The following DGKB variants were observed in gnomAD, a reference collection of about 807,000 sequenced individuals.
DGKB encodes the protein 90 kDa diacylglycerol kinase.
DGKB carries 67 observed loss-of-function variants against 114.3 expected under a neutral mutation model. That is an observed-to-expected ratio of 0.59 (90% CI 0.48 to 0.72). The LOEUF (loss-of-function observed/expected upper bound fraction) is 0.72. DGKB is among the 30% of genes least tolerant of loss of function. The pLI is 0.00. For missense variants in DGKB, 907 were observed against 975.2 expected, an observed-to-expected ratio of 0.93 and a Z score of 0.93; for synonymous variants, 398 against 323.1, an observed-to-expected ratio of 1.23 and a Z score of -2.49.
intron 2 of DGKB, among the ~76,000 whole-genome samples, chr7:14,758,824 A>T (rs1308484656): frequency 6.6e-6 from 1 of 152,068 alleles, no homozygotes; most frequent in Non-Finnish European, 1.5e-5. Context: ...TTTTACTTGG[A>T]ATGTACCATT....
intron 21 of DGKB, among the ~76,000 whole-genome samples, chr7:14,371,856 G>A (rs1254044386): frequency 2.0e-5 from 3 of 152,070 alleles, no homozygotes; most frequent in Non-Finnish European, 4.4e-5. Flanking sequence ...TACTGCTGAG[G>A]TATTTTCCAC....
intron 20 of DGKB, among the ~76,000 whole-genome samples, chr7:14,551,589 G>A (rs1040088287): frequency 6.6e-6 from 1 of 151,932 alleles, no homozygotes; most frequent in Non-Finnish European, 1.5e-5. Flanking sequence ...TCTTACATGA[G>A]CACTATTTTG....
chr7:14,711,084 G>A (rs1025110347), intron 6 of DGKB, among the ~76,000 whole-genome samples: 24 of 152,014 alleles, frequency 1.6e-4, no homozygotes, highest in Admixed American at 8.5e-4. Context: ...ATACACATTC[G>A]TTCCAAATTT....
intron 1 of DGKB, among the ~76,000 whole-genome samples, chr7:14,942,871 A>G (rs2128255482): frequency 6.6e-6 from 1 of 151,896 alleles, no homozygotes; most frequent in Non-Finnish European, 1.5e-5. Flanking sequence ...GAATTATTTT[A>G]TTTTCATAGC....
chr7:14,611,553 C>G (rs1314902515), intron 16 of DGKB, among the ~76,000 whole-genome samples: 1 of 152,088 alleles, frequency 6.6e-6, no homozygotes, highest in Admixed American at 6.6e-5. Flanking sequence ...GAAAACAGAT[C>G]ACCTTTAAAA....
intron 20 of DGKB, among the ~76,000 whole-genome samples, chr7:14,536,649 T>C (rs1792547426): frequency 6.6e-6 from 1 of 152,186 alleles, no homozygotes; most frequent in South Asian, 2.1e-4. Flanking sequence ...AAATTAGTTA[T>C]ATATTAGATA....
chr7:14,358,396 T>C, intron 21 of DGKB, among the ~76,000 whole-genome samples: 1 of 152,204 alleles, frequency 6.6e-6, no homozygotes, highest in East Asian at 1.9e-4. Context: ...TTGAAGCTTG[T>C]GCATGCCTCA....
chr7:14,525,070 T>C (rs561001647), intron 20 of DGKB, among the ~76,000 whole-genome samples: 9 of 152,258 alleles, frequency 5.9e-5, no homozygotes, highest in African/African-American at 1.7e-4. Flanking sequence ...TGTGGCATCA[T>C]TGAAGGCTTC....
At chr7:14,515,511 T>A (rs1331464061) in intron 20 of DGKB, among the ~76,000 whole-genome samples, 1 of 152,190 alleles carries the variant, frequency 6.6e-6, no homozygotes, top group Non-Finnish European at 1.5e-5. Context: ...TATATTAAAC[T>A]ACGTTTTCAT....
rs533529322 is a variant in DGKB at position 14,185,978 on chromosome 7, A to G, written c.2123-7827T>C. On this transcript the variant is annotated intron_variant, in intron 23 of 25. Transcript: ENST00000402815. The stretch of plus-strand genomic sequence containing the variant: ...CTTAGGCAAGGATTTCATGACCAAG[A>G]ACCCAAAAGCAAATGCAATAAAAAC... Among the ~76,000 whole-genome samples, 1,490 of 152,334 alleles carry G rather than the reference A, an allele frequency of 9.8e-3. 18 individuals are homozygous for G. Among genetic ancestry groups the G allele is most frequent in the African/African-American group, 0.034 (1,415 of 41,582 alleles).
intron 2 of DGKB, among the ~76,000 whole-genome samples, chr7:14,828,632 T>C (rs1180614710): frequency 6.6e-6 from 1 of 152,048 alleles, no homozygotes; most frequent in Non-Finnish European, 1.5e-5. Context: ...TTGGACAAAA[T>C]GTCATGGTAT....
chr7:14,258,450 A>G (rs1432986471), intron 23 of DGKB, among the ~76,000 whole-genome samples: 1 of 152,242 alleles, frequency 6.6e-6, no homozygotes, highest in East Asian at 1.9e-4. Flanking sequence ...TTCAAAGACT[A>G]CAGATGAAAT....
intron 21 of DGKB, among the ~76,000 whole-genome samples, chr7:14,435,466 T>C (rs571489555): frequency 2.0e-5 from 3 of 152,054 alleles, no homozygotes; most frequent in Non-Finnish European, 4.4e-5. Flanking sequence ...TTATCCCCTA[T>C]GAAAGATGGG....
At chr7:14,807,674 C>A (rs968315146) in intron 2 of DGKB, among the ~76,000 whole-genome samples, 3 of 151,972 alleles carry the variant, frequency 2.0e-5, no homozygotes, top group African/African-American at 4.8e-5. Flanking sequence ...AACATGCATC[C>A]TCTCTTCTCT....
At chr7:14,690,585 A>C (rs1822654463) in intron 9 of DGKB, among the ~76,000 whole-genome samples, 1 of 152,252 alleles carries the variant, frequency 6.6e-6, no homozygotes, top group South Asian at 2.1e-4. Flanking sequence ...GTTTTTGCAC[A>C]TGCAGTTTTA....
intron 5 of DGKB, among the ~76,000 whole-genome samples, chr7:14,720,100 G>GCACACA (rs745659138): frequency 6.6e-6 from 1 of 151,316 alleles, no homozygotes; most frequent in Non-Finnish European, 1.5e-5. Flanking sequence ...ACACACGCAC[G>GCACACA]CACGCACACA....
At chr7:14,305,474 T>A (rs1804315003) in intron 23 of DGKB, among the ~76,000 whole-genome samples, 1 of 152,134 alleles carries the variant, frequency 6.6e-6, no homozygotes, top group Non-Finnish European at 1.5e-5. Context: ...TGGAGGAGAA[T>A]AAGACAGTCA....
rs140836395 is a variant in DGKB, at chr7:14,304,087, A to ACACACACACACACACACTCT, written c.2122+34427_2122+34428insAGAGTGTGTGTGTGTGTGTG. ...CACACACACACACACACACACACAC[A>ACACACACACACACACACTCT]CTCTCTCTCTCTCACCCCTACCTCA... On this transcript the variant is annotated intron_variant, in intron 23 of 25. Transcript: ENST00000402815. 3.2e-3 allele frequency among the ~76,000 whole-genome samples: 351 copies of ACACACACACACACACACTCT among 110,090 alleles called. 5 individuals carry two copies. Among genetic ancestry groups the ACACACACACACACACACTCT allele is most frequent in the African/African-American group, 0.011 (303 of 27,506 alleles). The allele number at this position is 110,090 out of a possible 152,430, so 72.2% of individuals were successfully genotyped here.
intron 10 of DGKB, among the ~76,000 whole-genome samples, chr7:14,683,105 C>T (rs1467327828): frequency 1.3e-5 from 2 of 152,116 alleles, no homozygotes; most frequent in East Asian, 3.9e-4. Context: ...TCAGTCCTCA[C>T]TCAAATTTTT....
Sources: allele counts gnomAD v4.1 joint callset (sites outside exome capture counted in the v4.1 genomes callset), GRCh38; gene constraint gnomAD v4.1.1; transcripts MANE v1.5; gene names NCBI Gene and HGNC (gene_info 2026-07-23, HGNC 2026-07-21).